PCDHGA1: variants seen among roughly 807,000 people sequenced by gnomAD.
The protein encoded by PCDHGA1 is protocadherin gamma subfamily A, 1, also known as protocadherin gamma-A1.
A neutral mutation model predicts 58.0 loss-of-function variants in PCDHGA1; 32 were observed. That is an observed-to-expected ratio of 0.55 (90% CI 0.42 to 0.74). The LOEUF (loss-of-function observed/expected upper bound fraction) is 0.74. Among genes scored for constraint, PCDHGA1 ranks in the 30% least tolerant of loss-of-function variants. The pLI is 0.00. For synonymous variants in PCDHGA1, 498 were observed against 501.1 expected (o/e 0.99, Z 0.08); for missense variants, 1,205 against 1,182.3 (o/e 1.02, Z -0.28).
At chr5:141,381,396 T>C (rs890483811) in intron 1 of PCDHGA1, among the ~76,000 whole-genome samples, 2 of 152,262 alleles carry the variant, frequency 1.3e-5, no homozygotes, top group African/African-American at 4.8e-5. Context: ...AGTTTTACTC[T>C]ATCAACATCA....
intron 1 of PCDHGA1, among the ~76,000 whole-genome samples, chr5:141,438,621 TATATATATATATATAC>T (rs1472935962): frequency 0.016 from 652 of 41,356 alleles, 15 homozygotes; most frequent in East Asian, 0.15. Flanking sequence ...TATATATATA[TATATATATATATATAC>T]ACACACACAC....
At chr5:141,480,240 CAAA>C (rs11374694) in intron 1 of PCDHGA1, among the ~76,000 whole-genome samples, 1 of 114,046 alleles carries the variant, frequency 8.8e-6, no homozygotes, top group African/African-American at 3.3e-5. Flanking sequence ...CCTGTCTCTA[CAAA>C]AAAAAAAAAA....
At chr5:141,464,279 C>CA (rs373828487) in intron 1 of PCDHGA1, among the ~76,000 whole-genome samples, 31,576 of 137,520 alleles carry the variant, frequency 0.23, 3,494 homozygotes, top group African/African-American at 0.28. Context: ...AAAAAAAAAG[C>CA]AAAAAAAAAA....
chr5:141,408,570 T>C (rs1184307323), intron 1 of PCDHGA1: 5 of 1,613,966 alleles, frequency 3.1e-6, no homozygotes, highest in East Asian at 2.2e-5. Context: ...ATTGTGGTGA[T>C]TGAGGATGTT....
chr5:141,477,572 G>T lies in PCDHGA1; in HGVS notation c.2422-17235G>T, dbSNP rs375416133. The T allele has an allele frequency of 6.2e-7, 1 of 1,614,112 alleles. No homozygotes were observed. Among genetic ancestry groups the T allele is most frequent in the South Asian group, 1.1e-5 (1 of 91,072 alleles). ...AAACCTAAGTGTCTGGGACCCCGAC[G>T]CCCCGCAGAATGCTCGGCTTTCTTT... On this transcript the variant is annotated intron_variant, in intron 1 of 3. Transcript: ENST00000517417. The surrounding 1 kb of genome is among the most constrained non-coding windows in gnomAD (Gnocchi z 4.9).
intron 1 of PCDHGA1, chr5:141,344,690 C>A: frequency 6.2e-7 from 1 of 1,613,972 alleles, no homozygotes; most frequent in Non-Finnish European, 8.5e-7. Context: ...ATGGTGGCGA[C>A]CCTGTCCACT....
intron 1 of PCDHGA1, chr5:141,365,114 C>T (rs1763745605): frequency 6.2e-7 from 1 of 1,613,902 alleles, no homozygotes; most frequent in African/African-American, 1.3e-5. Flanking sequence ...CACTCGGCTG[C>T]TCATGCTAAC....
At chr5:141,398,502 C>A in intron 1 of PCDHGA1, 1 of 1,596,962 alleles carries the variant, frequency 6.3e-7, no homozygotes, top group Admixed American at 1.7e-5. Flanking sequence ...AGATCGAGGA[C>A]ATTAATGACC....
At chr5:141,374,600 A>T (rs1770639456) in intron 1 of PCDHGA1, 1 of 1,613,658 alleles carries the variant, frequency 6.2e-7, no homozygotes, top group Admixed American at 1.7e-5. Flanking sequence ...ATTTAAGCTC[A>T]GTGGTAATAG....
At chr5:141,339,927 T>TTGAA in intron 1 of PCDHGA1, 2 of 1,614,160 alleles carry the variant, frequency 1.2e-6, no homozygotes, top group Non-Finnish European at 1.7e-6. Context: ...GAAATTGATA[T>TTGAA]TGAAGCTCAG....
At chr5:141,436,588 G>A (rs1182294845) in intron 1 of PCDHGA1, among the ~76,000 whole-genome samples, 3 of 152,138 alleles carry the variant, frequency 2.0e-5, no homozygotes, top group Non-Finnish European at 2.9e-5. Context: ...AATTTGAAAG[G>A]TCGTGGTGAT....
intron 1 of PCDHGA1, chr5:141,372,458 A>G (rs778949462): frequency 3.7e-6 from 6 of 1,614,044 alleles, no homozygotes; most frequent in South Asian, 2.2e-5. Context: ...AGGCGGAGCT[A>G]CAGTTTCACC....
chr5:141,423,297 C>G lies in PCDHGA1; in HGVS notation c.2422-71510C>G, dbSNP rs1322889810. 3 of 1,614,170 alleles carry G rather than the reference C, an allele frequency of 1.9e-6. 1 individual carries two copies. The South Asian group carries it at 3.3e-5, about 18-fold the overall frequency. The stretch of plus-strand genomic sequence containing the variant: ...TGGCTAACTCTGAAACCTCAGACCT[C>G]TCGCTGTACTTGGTGGTGGCGGTGG... On this transcript the variant is annotated intron_variant, in intron 1 of 3. Transcript: ENST00000517417.
At chr5:141,414,964 G>C (rs1245472476) in intron 1 of PCDHGA1, 11 of 1,613,874 alleles carry the variant, frequency 6.8e-6, no homozygotes, top group Non-Finnish European at 9.3e-6. Context: ...CAAGGTGGTG[G>C]CGGTGGACAG....
chr5:141,502,500 G>C (rs1398797155), intron 2 of PCDHGA1, among the ~76,000 whole-genome samples: 1 of 152,046 alleles, frequency 6.6e-6, no homozygotes, highest in Non-Finnish European at 1.5e-5. Flanking sequence ...ATCTAACGTC[G>C]GCCTGTCCCA....
intron 1 of PCDHGA1, chr5:141,383,160 G>T (rs770719921): frequency 1.9e-6 from 3 of 1,613,316 alleles, no homozygotes; most frequent in Admixed American, 1.7e-5. Context: ...TGGTCACTGC[G>T]GGCAGGATAG....
At chr5:141,398,829 C>A in intron 1 of PCDHGA1, 2 of 1,613,994 alleles carry the variant, frequency 1.2e-6, no homozygotes, top group East Asian at 2.2e-5. Flanking sequence ...AGGTAACCGA[C>A]GCCAATGATA....
intron 1 of PCDHGA1, among the ~76,000 whole-genome samples, chr5:141,470,845 G>T (rs1381257094): frequency 1.3e-5 from 2 of 151,972 alleles, no homozygotes; most frequent in African/African-American, 4.8e-5. Flanking sequence ...ACGCCACCAT[G>T]CTCAGATAAG....
intron 1 of PCDHGA1, chr5:141,345,960 G>A: frequency 5.6e-6 from 9 of 1,613,574 alleles, no homozygotes; most frequent in Non-Finnish European, 6.8e-6. Flanking sequence ...GCAGAGCCTC[G>A]TGGTGGCCGT....
Sources: allele counts gnomAD v4.1 joint callset (sites outside exome capture counted in the v4.1 genomes callset), GRCh38; gene constraint gnomAD v4.1.1; non-coding constraint Gnocchi (gnomAD v3.1); transcripts MANE v1.5; gene names NCBI Gene and HGNC (gene_info 2026-07-23, HGNC 2026-07-21).